The following DMPK variants were observed in gnomAD, a reference collection of about 807,000 sequenced individuals.
The protein encoded by DMPK is DM1 protein kinase, also known as myotonin-protein kinase.
In DMPK, 32 loss-of-function variants were observed where a neutral mutation model predicts 70.3. The ratio of observed to expected loss-of-function variants is 0.46; its 90% CI spans 0.34 to 0.61. DMPK has a LOEUF of 0.61. DMPK is among the 20% of genes least tolerant of loss of function. DMPK has a pLI of 0.01. For missense variants in DMPK, 899 were observed against 886.0 expected, an observed-to-expected ratio of 1.01 and a Z score of -0.19; for synonymous variants, 469 against 390.9, an observed-to-expected ratio of 1.20 and a Z score of -2.36.
In DMPK at chr19:45,772,730, TG is replaced by T; in HGVS notation, c.1254del (p.Thr419HisfsTer48). ...MALRDSEVPG[P>X]TPMELEAEQL... ...TGCTCGGCCTCCAGTTCCATGGGTG[TG>T]GGGCCTGGGACCTCACTGTCCCTGG... On this transcript the variant is annotated frameshift_variant, in exon 10 of 15. Coordinates refer to ENST00000291270, the MANE Select transcript of DMPK (RefSeq NM_004409.5). LOFTEE classifies it high-confidence loss of function. 1 of 1,508,324 alleles carries T rather than the reference TG, an allele frequency of 6.6e-7. No homozygotes were observed. 93.4% of individuals were successfully genotyped at this position (1,508,324 alleles called of 1,614,324 possible).
At chr19:45,778,727 A>T in intron 4 of DMPK, 86 bp from the exon 5 acceptor site, 1 of 1,418,196 alleles carries the variant, frequency 7.1e-7, no homozygotes, top group South Asian at 1.3e-5. Context: ...TCCCAGAGAC[A>T]CCCCATCCTT....
chr19:45,779,368 C>T lies in DMPK; in HGVS notation c.337-9G>A. 1 of 1,614,082 alleles carries T rather than the reference C, an allele frequency of 6.2e-7. No individual in the cohort carries two copies. Reference sequence around the variant, plus strand: ...TCACGGAAGCACGACACCTGCAGGGCACCCGGAGGAGCTGCAGCCGGAGAC... The same window carrying T: ...TCACGGAAGCACGACACCTGCAGGGTACCCGGAGGAGCTGCAGCCGGAGAC... On this transcript the variant is annotated splice_polypyrimidine_tract_variant and intron_variant, in intron 3 of 14. Coordinates refer to ENST00000291270, the MANE Select transcript of DMPK (RefSeq NM_004409.5).
chr19:45,770,852 C>T, intron 14 of DMPK, 119 bp downstream of exon 14: 2 of 997,820 alleles, frequency 2.0e-6, no homozygotes, highest in Non-Finnish European at 2.8e-6. Context: ...GATTGGCTGC[C>T]CGAAGATCCG....
Position 45,774,040 on chromosome 19 carries a change from TC to T in DMPK, c.1232+908del, listed in dbSNP as rs200924908. On this transcript the variant is annotated intron_variant, in intron 9 of 14. Transcript: ENST00000291270. ...GGCACGATCTCAGCTCACCACAACC[TC>T]CCCCTCCTGGGTTCTGATTCTCCTG... Among the ~76,000 whole-genome samples the T allele has an allele frequency of 4.0e-3, 573 of 143,678 alleles. 4 individuals carry two copies. The highest frequency in any genetic ancestry group is 0.014 in the African/African-American group (547 of 38,550). The allele number at this position is 143,678 out of a possible 152,430, so 94.3% of individuals were successfully genotyped here. A position where few individuals can be genotyped will look rare whatever the true frequency, so the allele number is the denominator to read the frequency against.
intron 10 of DMPK, 78 bp from the exon 11 acceptor site, chr19:45,772,006 A>T: frequency 6.8e-7 from 1 of 1,462,196 alleles, no homozygotes; most frequent in Non-Finnish European, 9.0e-7. Context: ...CCAGGCTAGG[A>T]ATCCTTGTTT....
rs936635007 is a variant in DMPK, at chr19:45,779,856, C to A, written c.174G>T (p.Val58=). The A allele has an allele frequency of 6.2e-7, 1 of 1,612,368 alleles. No homozygotes were observed. Among genetic ancestry groups the A allele is most frequent in the Non-Finnish European group, 8.5e-7 (1 of 1,179,338 alleles). Residue 58 remains valine (V), a synonymous_variant, in exon 2 of 15, where the codon GTG becomes GTT. Coordinates refer to ENST00000291270, the MANE Select transcript of DMPK (RefSeq NM_004409.5). ...GCAGTCGGACCTCCTTAAGCCTCACCACGATGGGCTCCGCTGGGGGGGTGG... is the reference window on the plus strand; with the variant it reads ...GCAGTCGGACCTCCTTAAGCCTCACAACGATGGGCTCCGCTGGGGGGGTGG... ...ADFLQWAEPI[V]VRLKEVRLQR...
intron 13 of DMPK, 36 bp downstream of exon 13, chr19:45,771,314 A>C: frequency 6.4e-7 from 1 of 1,567,816 alleles, no homozygotes. Flanking sequence ...CAGAATGGGC[A>C]GCAGGTCTGA....
Position 45,772,649 on chromosome 19 carries a change from C to T in DMPK, c.1336G>A (p.Asp446Asn), listed in dbSNP as rs1472557399. ...CCCCTCCACCAACTTACTGTTTCATCCTGTGGGGACACCGAGGGCTCCAGG... is the reference window on the plus strand; with the variant it reads ...CCCCTCCACCAACTTACTGTTTCATTCTGTGGGGACACCGAGGGCTCCAGG... ...PSLEPSVSPQ[D>N]ETAEVAVPAA... Residue 446 changes from aspartate to asparagine, a missense_variant, in exon 10 of 15, where the codon GAT becomes AAT. This residue lies in a region of DMPK where 555 missense variants were observed against 483.8 expected (regional missense o/e 1.15). Transcript: ENST00000291270. 1 of 1,542,232 alleles carries T rather than the reference C, an allele frequency of 6.5e-7. No individual in the cohort carries two copies. Among genetic ancestry groups the T allele is most frequent in the African/African-American group, 1.4e-5 (1 of 69,624 alleles).
rs141405839 is a variant in DMPK at position 45,771,869 on chromosome 19, C to A, written c.1404G>T (p.Leu468=). ...PAAEAEAEVT[L]RELQEALEEE... ...CCTCCAGGGCTTCCTGGAGCTCCCG[C>A]AGCGTCACCTCGGCCTCAGCCTCTG... The change falls in exon 11 of 15, where the codon CTG becomes CTT. Residue 468 remains leucine (L), a synonymous_variant. Transcript: ENST00000291270. The A allele has an allele frequency of 4.4e-5, 70 of 1,587,396 alleles. No individual in the cohort carries two copies. The African/African-American group carries it at 8.5e-4, about 19-fold the overall frequency.
chr19:45,775,557 A>G lies in DMPK; in HGVS notation c.1147-523T>C, dbSNP rs2146241606. Among the ~76,000 whole-genome samples, 2 of 108,242 alleles carry G rather than the reference A, an allele frequency of 1.8e-5. 1 individual carries two copies. 71.0% of individuals were successfully genotyped at this position (108,242 alleles called of 152,430 possible). The stretch of plus-strand genomic sequence containing the variant: ...TTTAGATGGAGTCTTGCTGTCTCCC[A>G]GCCTAGAGTGCAGTGGCACAACCCC... On this transcript the variant is annotated intron_variant, in intron 8 of 14. Transcript: ENST00000291270.
At position 45,777,009 on chromosome 19, in the gene DMPK, G is replaced by A. The variant is rs1429090919; in HGVS notation, c.1146+318C>T. 3.1e-6 allele frequency: 1 copy of A among 317,592 alleles called. No homozygotes were observed. The highest frequency in any genetic ancestry group is 5.8e-6 in the Non-Finnish European group (1 of 172,064). 19.7% of individuals were successfully genotyped at this position (317,592 alleles called of 1,614,324 possible). On this transcript the variant is annotated intron_variant, in intron 8 of 14. Coordinates refer to ENST00000291270, the MANE Select transcript of DMPK (RefSeq NM_004409.5). This position sits in a 1 kb window ranked among gnomAD's most constrained non-coding sequence, Gnocchi z 6.7. The stretch of plus-strand genomic sequence containing the variant: ...CCTCTCCTGCTTCTCATCCCTCCAA[G>A]TCTCAGCTCAGATAGCTCCCCACTC...
chr19:45,777,406 G>A lies in DMPK; in HGVS notation c.1067C>T (p.Pro356Leu), dbSNP rs1026834789. 10 of 1,612,550 alleles carry A rather than the reference G, an allele frequency of 6.2e-6. No individual in the cohort carries two copies. Among genetic ancestry groups the A allele is most frequent in the African/African-American group, 4.0e-5 (3 of 74,860 alleles). Reference protein sequence around the residue: ...GLRDSVPPFTPDFEGATDTCN... With the variant: ...GLRDSVPPFTLDFEGATDTCN... ...TGTGTCGGTGGCACCTTCGAAATCC[G>A]GTGTAAAGGGGGGCACGCTGTCCCG... The change falls in exon 8 of 15, where the codon CCG becomes CTG. Residue 356 changes from proline to leucine, a missense_variant. This residue lies in a region of DMPK where 555 missense variants were observed against 483.8 expected (regional missense o/e 1.15). Transcript: ENST00000291270. This position sits in a 1 kb window ranked among gnomAD's most constrained non-coding sequence, Gnocchi z 6.7.
At chr19:45,780,120 G>A in intron 1 of DMPK, 1 of 1,456,362 alleles carries the variant, frequency 6.9e-7, no homozygotes, top group Admixed American at 2.5e-5. Context: ...GGGCTCCAAG[G>A]GTGTGCAGGA....
chr19:45,779,130 T>G (rs747567839), intron 4 of DMPK, 134 bp downstream of exon 4: 2 of 882,764 alleles, frequency 2.3e-6, no homozygotes, highest in Admixed American at 1.8e-5. Context: ...ACACACCCTC[T>G]TACCGCACAC....
rs759545957 is a variant in DMPK, at chr19:45,779,300, C to T, written c.396G>A (p.Thr132=). Residue 132 remains threonine (T), a synonymous_variant, in exon 4 of 15, where the codon ACG becomes ACA. Coordinates refer to ENST00000291270, the MANE Select transcript of DMPK (RefSeq NM_004409.5). The stretch of plus-strand genomic sequence containing the variant: ...CATCCTGGAAGGCGAAGTGCAGCTG[C>T]GTGATCCACCGCCGGTCCCCATTCA... ...VLVNGDRRWI[T]QLHFAFQDEN... 5 of 1,614,036 alleles carry T rather than the reference C, an allele frequency of 3.1e-6. No individual in the cohort carries two copies. The highest frequency in any genetic ancestry group is 2.2e-5 in the East Asian group (1 of 44,880).
chr19:45,778,656 G>T lies in DMPK; in HGVS notation c.433-15C>A. ...ATGACCAGGTACTGAGAAGGGGTTCGTCATGGGTGGTTGGTAGTCCCCTGA... is the reference window on the plus strand; with the variant it reads ...ATGACCAGGTACTGAGAAGGGGTTCTTCATGGGTGGTTGGTAGTCCCCTGA... On this transcript the variant is annotated splice_polypyrimidine_tract_variant and intron_variant, in intron 4 of 14. Coordinates refer to ENST00000291270, the MANE Select transcript of DMPK (RefSeq NM_004409.5). 2 of 1,611,532 alleles carry T rather than the reference G, an allele frequency of 1.2e-6. No homozygotes were observed. Among genetic ancestry groups the T allele is most frequent in the Middle Eastern group, 1.7e-4 (1 of 6,050 alleles).
At chr19:45,772,465 C>T in intron 10 of DMPK, 176 bp downstream of exon 10, 2 of 503,548 alleles carry the variant, frequency 4.0e-6, no homozygotes, top group Non-Finnish European at 6.9e-6. Flanking sequence ...TTACTTAATG[C>T]CCCACTGTAA....
At position 45,770,390 on chromosome 19, in the gene DMPK, G is replaced by T; in HGVS notation, c.*98C>A. On this transcript the variant is annotated 3_prime_UTR_variant, in exon 15 of 15. Transcript: ENST00000291270. ...AGCTGGGCGGAGACCCACGCTCGGA[G>T]CGGTTGTGAACTGGCAGGCGGTGGG... 2 of 1,430,506 alleles carry T rather than the reference G, an allele frequency of 1.4e-6. No individual in the cohort carries two copies. The highest frequency in any genetic ancestry group is 1.9e-6 in the Non-Finnish European group (2 of 1,040,786). The allele number at this position is 1,430,506 out of a possible 1,614,324, so 88.6% of individuals were successfully genotyped here.
At position 45,778,649 on chromosome 19, in the gene DMPK, G is replaced by A. The variant is rs910267225; in HGVS notation, c.433-8C>T. The stretch of plus-strand genomic sequence containing the variant: ...ATACTCCATGACCAGGTACTGAGAA[G>A]GGGTTCGTCATGGGTGGTTGGTAGT... On this transcript the variant is annotated splice_region_variant and splice_polypyrimidine_tract_variant and intron_variant, in intron 4 of 14. Coordinates refer to ENST00000291270, the MANE Select transcript of DMPK (RefSeq NM_004409.5). 2.5e-6 allele frequency: 4 copies of A among 1,612,892 alleles called. No individual in the cohort carries two copies. Among genetic ancestry groups the A allele is most frequent in the African/African-American group, 2.7e-5 (2 of 74,978 alleles).
Sources: gnomAD v4.1 joint callset for allele counts (sites outside exome capture counted in the v4.1 genomes callset) on GRCh38, gnomAD v4.1.1 for gene constraint, gnomAD v4.1.1 regional missense constraint, Gnocchi (gnomAD v3.1) non-coding constraint, MANE v1.5 for transcripts, NCBI Gene and HGNC (gene_info 2026-07-23, HGNC 2026-07-21) for gene names.